The following ATP8A1 variants were observed in gnomAD, a reference collection of about 807,000 sequenced individuals.
ATP8A1 encodes the protein ATPase phospholipid transporting 8A1.
In ATP8A1, 90 loss-of-function variants were observed where a neutral mutation model predicts 177.7. The observed-to-expected ratio is 0.51, with a 90% CI of 0.43 to 0.60. The LOEUF (loss-of-function observed/expected upper bound fraction) is 0.60. ATP8A1 is among the 20% of genes least tolerant of loss of function. The pLI is 0.00. For missense variants in ATP8A1, 1,072 were observed against 1,392.8 expected (o/e 0.77, Z 3.67); for synonymous variants, 493 against 485.9 (o/e 1.01, Z -0.19).
At chr4:42,437,281 T>TGATTTGAA (rs1397942897) in intron 33 of ATP8A1, among the ~76,000 whole-genome samples, 21 of 152,216 alleles carry the variant, frequency 1.4e-4, no homozygotes, top group Admixed American at 1.1e-3. Flanking sequence ...GGCTAAACTA[T>TGATTTGAA]TTTCTCCTAG....
chr4:42,601,074 C>T (rs186646047), intron 5 of ATP8A1, among the ~76,000 whole-genome samples: 66 of 119,506 alleles, frequency 5.5e-4, no homozygotes, highest in African/African-American at 2.1e-3. Context: ...CTCACTCTGT[C>T]ACCTAGGCTG....
chr4:42,462,038 C>T (rs542556282), intron 27 of ATP8A1, among the ~76,000 whole-genome samples: 74 of 152,244 alleles, frequency 4.9e-4, no homozygotes, highest in Middle Eastern at 6.8e-3. Context: ...AGTTTCTAAG[C>T]AGCAAAGCAT....
Position 42,412,952 on chromosome 4 carries a change from T to C in ATP8A1, c.3459A>G (p.Ala1153=). The change falls in exon 37 of 37, where the codon GCA becomes GCG. Residue 1153 remains alanine, a synonymous_variant. Transcript: ENST00000381668. ...GIVSQSEVIR[A]YDTTKQRPDE... ...CGGGCCTCTGTTTCGTGGTATCATATGCTCTTATCACTTCAGACTGTGAAA... is the reference window on the plus strand; with the variant it reads ...CGGGCCTCTGTTTCGTGGTATCATACGCTCTTATCACTTCAGACTGTGAAA... 1 of 1,613,632 alleles carries C rather than the reference T, an allele frequency of 6.2e-7. No individual in the cohort carries two copies. The highest frequency in any genetic ancestry group is 8.5e-7 in the Non-Finnish European group (1 of 1,179,674).
chr4:42,600,620 C>G, intron 5 of ATP8A1, 102 bp from the exon 6 acceptor site: 1 of 1,042,516 alleles, frequency 9.6e-7, no homozygotes, highest in Non-Finnish European at 1.4e-6. Context: ...GTCAAAATAA[C>G]TAGTAGCAAT....
At position 42,460,609 on chromosome 4, in the gene ATP8A1, G is replaced by A. The variant is rs149207257; in HGVS notation, c.2619+4081C>T. On this transcript the variant is annotated intron_variant, in intron 27 of 36. Transcript: ENST00000381668. ...TCACCATGTTGGCCAGGTTGGTCTC[G>A]AACTCCCGACCTTGTGATCTGCCCG... Among the ~76,000 whole-genome samples, 9 of 152,106 alleles carry A rather than the reference G, an allele frequency of 5.9e-5. No individual in the cohort carries two copies. In the East Asian group the frequency reaches 1.2e-3, roughly 20 times the overall value.
chr4:42,436,596 C>A (rs1716028337), intron 33 of ATP8A1, among the ~76,000 whole-genome samples: 1 of 152,190 alleles, frequency 6.6e-6, no homozygotes, highest in South Asian at 2.1e-4. Flanking sequence ...CTGTTGGGGG[C>A]ATGAGGACTG....
chr4:42,528,130 G>C (rs1303290270), intron 20 of ATP8A1, among the ~76,000 whole-genome samples: 1 of 152,182 alleles, frequency 6.6e-6, no homozygotes, highest in Non-Finnish European at 1.5e-5. Flanking sequence ...GCTCAGGTCT[G>C]ACTTGCAGTG....
chr4:42,639,348 T>C (rs1432200401), intron 1 of ATP8A1, among the ~76,000 whole-genome samples: 5 of 152,030 alleles, frequency 3.3e-5, no homozygotes, highest in Non-Finnish European at 1.5e-5. Context: ...ACTCGATTTT[T>C]CCCCCTTTCA....
In ATP8A1 at chr4:42,412,908, T is replaced by G. The variant is rs955051463; in HGVS notation, c.*8A>C. 1.2e-6 allele frequency: 2 copies of G among 1,612,652 alleles called. No individual in the cohort carries two copies. Among genetic ancestry groups the G allele is most frequent in the Non-Finnish European group, 1.7e-6 (2 of 1,178,932 alleles). On this transcript the variant is annotated 3_prime_UTR_variant, in exon 37 of 37. Coordinates refer to ENST00000381668, the MANE Select transcript of ATP8A1 (RefSeq NM_006095.2). ...AGGTAACAGAGCCTGCCTTTCAGGC[T>G]CTCCCCATCACCATTCGTCGGGCCT...
At chr4:42,578,187 TCTC>T (rs996737838) in intron 12 of ATP8A1, 70 bp downstream of exon 12, 9 of 1,382,000 alleles carry the variant, frequency 6.5e-6, no homozygotes, top group Non-Finnish European at 8.7e-6. Flanking sequence ...AAACCTTTTT[TCTC>T]CTGAGATATC....
At chr4:42,587,810 G>A (rs1048310359) in intron 8 of ATP8A1, among the ~76,000 whole-genome samples, 7 of 151,702 alleles carry the variant, frequency 4.6e-5, no homozygotes, top group Admixed American at 6.6e-5. Context: ...GGGTTTCACC[G>A]TGTTAGCCAG....
chr4:42,480,722 G>C (rs772266383), intron 25 of ATP8A1, among the ~76,000 whole-genome samples: 23 of 152,194 alleles, frequency 1.5e-4, no homozygotes, highest in Admixed American at 6.5e-5. Context: ...CTTGATAGGA[G>C]TAAGGTGAAA....
intron 27 of ATP8A1, among the ~76,000 whole-genome samples, chr4:42,463,309 T>C (rs1157951370): frequency 6.6e-6 from 1 of 152,196 alleles, no homozygotes; most frequent in Non-Finnish European, 1.5e-5. Context: ...AAGTCTTTCC[T>C]GTGATGTTCT....
chr4:42,559,488 T>C (rs950298500), intron 15 of ATP8A1, among the ~76,000 whole-genome samples: 1 of 152,210 alleles, frequency 6.6e-6, no homozygotes, highest in Admixed American at 6.5e-5. Context: ...TGTGCTGTTG[T>C]AATTGTAGGA....
At chr4:42,567,215 T>C (rs1030808707) in intron 15 of ATP8A1, among the ~76,000 whole-genome samples, 1 of 152,318 alleles carries the variant, frequency 6.6e-6, no homozygotes, top group East Asian at 1.9e-4. Context: ...TTACTTATTT[T>C]ATAGATGGAG....
intron 33 of ATP8A1, among the ~76,000 whole-genome samples, chr4:42,428,199 A>G (rs1337447386): frequency 2.0e-5 from 3 of 152,228 alleles, no homozygotes; most frequent in Non-Finnish European, 4.4e-5. Context: ...AGTTTGTATC[A>G]TCATTCATAT....
chr4:42,515,230 G>C (rs1048763757), intron 22 of ATP8A1, among the ~76,000 whole-genome samples: 2 of 152,106 alleles, frequency 1.3e-5, no homozygotes, highest in African/African-American at 4.8e-5. Context: ...GAAACTACTG[G>C]AATTTTAAAC....
intron 7 of ATP8A1, among the ~76,000 whole-genome samples, chr4:42,589,172 T>C (rs1733915342): frequency 1.3e-5 from 2 of 152,194 alleles, no homozygotes; most frequent in Admixed American, 6.5e-5. Flanking sequence ...CTGATTTGAC[T>C]TGCCCAGCAA....
At chr4:42,446,673 A>G (rs1717292539) in intron 30 of ATP8A1, 29 bp from the exon 31 acceptor site, 2 of 1,582,500 alleles carry the variant, frequency 1.3e-6, no homozygotes, top group African/African-American at 2.7e-5. Flanking sequence ...CCTATTAGAA[A>G]GGAAAATGAG....
Sources: gnomAD v4.1 joint callset for allele counts (sites outside exome capture counted in the v4.1 genomes callset) on GRCh38, gnomAD v4.1.1 for gene constraint, MANE v1.5 for transcripts, NCBI Gene and HGNC (gene_info 2026-07-23, HGNC 2026-07-21) for gene names.